Variants in TAFA2 observed in about 807,000 individuals in gnomAD.
The protein encoded by TAFA2 is chemokine-like protein TAFA-2.
TAFA2 carries 7 observed loss-of-function variants against 18.8 expected under a neutral mutation model. That is an observed-to-expected ratio of 0.37 (90% CI 0.21 to 0.70). The LOEUF (loss-of-function observed/expected upper bound fraction) is 0.70. Ranked by LOEUF, TAFA2 falls within the 30% of genes least tolerant of loss-of-function variation. The probability of loss-of-function intolerance (pLI) is 0.53; values close to 1 mark genes in which losing one functional copy is unlikely to be tolerated. For synonymous variants in TAFA2, 60 were observed against 54.2 expected, an observed-to-expected ratio of 1.11 and a Z score of -0.47; for missense variants, 122 against 158.1, an observed-to-expected ratio of 0.77 and a Z score of 1.23.
At chr12:61,780,324 G>A (rs950841084) in intron 2 of TAFA2, among the ~76,000 whole-genome samples, 4 of 151,784 alleles carry the variant, frequency 2.6e-5, no homozygotes, top group Admixed American at 6.6e-5. Context: ...TTCTTTAGCA[G>A]AGTAGACAGC....
intron 1 of TAFA2, among the ~76,000 whole-genome samples, chr12:62,103,656 G>C (rs183083625): frequency 6.6e-6 from 1 of 151,920 alleles, no homozygotes; most frequent in Non-Finnish European, 1.5e-5. Context: ...CAGGAGAACC[G>C]CTTGAACCCG....
intron 1 of TAFA2, chr12:62,022,070 C>G (rs947340066): frequency 4.7e-5 from 26 of 551,160 alleles, no homozygotes; most frequent in African/African-American, 4.5e-4. Context: ...AAAACCAAAC[C>G]TCTTCTCAAC....
chr12:61,904,260 T>C (rs1198222335), intron 1 of TAFA2, among the ~76,000 whole-genome samples: 1 of 152,102 alleles, frequency 6.6e-6, no homozygotes, highest in Non-Finnish European at 1.5e-5. Context: ...CAATCTCCAG[T>C]ATGGAATCTG....
intron 1 of TAFA2, among the ~76,000 whole-genome samples, chr12:61,948,534 T>G (rs1001272242): frequency 6.6e-6 from 1 of 152,114 alleles, no homozygotes; most frequent in African/African-American, 2.4e-5. Flanking sequence ...AAAGATTGAC[T>G]AATATATTCA....
intron 2 of TAFA2, among the ~76,000 whole-genome samples, chr12:61,778,555 A>T (rs1237965186): frequency 6.6e-6 from 1 of 151,718 alleles, no homozygotes; most frequent in Non-Finnish European, 1.5e-5. Context: ...TTTACTATTT[A>T]TTAGATGCCC....
At chr12:61,928,169 T>A (rs189395660) in intron 1 of TAFA2, among the ~76,000 whole-genome samples, 1 of 152,168 alleles carries the variant, frequency 6.6e-6, no homozygotes, top group Admixed American at 6.5e-5. Flanking sequence ...TGGGATCTAA[T>A]TAAACTAAAG....
At chr12:62,234,323 G>A in intron 1 of TAFA2, 1 of 491,814 alleles carries the variant, frequency 2.0e-6, no homozygotes, top group Admixed American at 2.8e-5. Flanking sequence ...CTTGAAGACT[G>A]CCTCTCCTCT....
chr12:61,958,670 T>C (rs559085217), intron 1 of TAFA2, among the ~76,000 whole-genome samples: 1 of 152,146 alleles, frequency 6.6e-6, no homozygotes, highest in East Asian at 1.9e-4. Flanking sequence ...GTCTGTGTCT[T>C]GCCAACTTTC....
At chr12:62,050,371 C>A (rs1882019020) in intron 1 of TAFA2, among the ~76,000 whole-genome samples, 1 of 151,936 alleles carries the variant, frequency 6.6e-6, no homozygotes, top group African/African-American at 2.4e-5. Flanking sequence ...GAGATCAAGA[C>A]CATCCTGGCT....
At chr12:62,034,476 T>A (rs1191637269) in intron 1 of TAFA2, among the ~76,000 whole-genome samples, 1 of 152,244 alleles carries the variant, frequency 6.6e-6, no homozygotes, top group Non-Finnish European at 1.5e-5. Flanking sequence ...TTGTTTTGGA[T>A]AATAAATAGA....
At chr12:61,994,020 G>A (rs1880099823) in intron 1 of TAFA2, among the ~76,000 whole-genome samples, 1 of 151,972 alleles carries the variant, frequency 6.6e-6, no homozygotes, top group South Asian at 2.1e-4. Context: ...CATACTAATG[G>A]TCCACAACTT....
chr12:61,755,026 T>A lies in TAFA2; in HGVS notation c.107-2A>T, dbSNP rs1449482146. ...AAGTTCCCGTTTTAACATGGTGAGC[T>A]GCACAAACAAAAAAGATAAGACAAC... is the stretch of plus-strand genomic sequence containing the variant. On this transcript the variant is annotated splice_acceptor_variant, in intron 2 of 4. Transcript: ENST00000416284. LOFTEE classifies it high-confidence loss of function. The A allele has an allele frequency of 6.2e-7, 1 of 1,612,198 alleles. No individual in the cohort carries two copies.
chr12:61,765,481 C>T lies in TAFA2; in HGVS notation c.107-10457G>A, dbSNP rs372234177. On this transcript the variant is annotated intron_variant, in intron 2 of 4. Coordinates refer to ENST00000416284, the MANE Select transcript of TAFA2 (RefSeq NM_178539.5). ...AATATTCCTAGTAATAATGATATTC[C>T]TAGTAATGGACTTAGGAAGGAGTTG... 6.6e-5 allele frequency among the ~76,000 whole-genome samples: 10 copies of T among 152,014 alleles called. No homozygotes were observed. The South Asian group carries it at 1.0e-3, about 16-fold the overall frequency.
At chr12:62,250,351 CTTTTT>C (rs1170834087) in intron 1 of TAFA2, among the ~76,000 whole-genome samples, 3 of 152,000 alleles carry the variant, frequency 2.0e-5, no homozygotes, top group African/African-American at 7.2e-5. Context: ...ACTATCTTTT[CTTTTT>C]ATATTTAAGA....
At chr12:61,721,507 G>A (rs981166022) in intron 4 of TAFA2, among the ~76,000 whole-genome samples, 1 of 152,080 alleles carries the variant, frequency 6.6e-6, no homozygotes, top group Non-Finnish European at 1.5e-5. Context: ...ACCAACATAT[G>A]GATCTAGTCA....
In TAFA2 at chr12:61,951,920, A is replaced by G. The variant is rs558696705; in HGVS notation, c.-1-84494T>C. 2.6e-5 allele frequency among the ~76,000 whole-genome samples: 4 copies of G among 152,160 alleles called. No individual in the cohort carries two copies. The East Asian group carries it at 7.7e-4, about 29-fold the overall frequency. On this transcript the variant is annotated intron_variant, in intron 1 of 4. Coordinates refer to ENST00000416284, the MANE Select transcript of TAFA2 (RefSeq NM_178539.5). ...AAAAAAAGCTAAATAAATCTTAACTAATATACACTTGAGAAGAAAACACGA... is the reference window on the plus strand; with the variant it reads ...AAAAAAAGCTAAATAAATCTTAACTGATATACACTTGAGAAGAAAACACGA...
Position 61,872,306 on chromosome 12 carries a change from TA to T in TAFA2, c.-1-4881del, listed in dbSNP as rs1420545434. Among the ~76,000 whole-genome samples the T allele has an allele frequency of 5.3e-5, 8 of 152,290 alleles. No homozygotes were observed. The South Asian group carries it at 1.0e-3, about 20-fold the overall frequency. ...TGGAAATAGAGATCACATAAGGGAA[TA>T]TTTTTTTAAGTCTTTTTAGGAAAAT... On this transcript the variant is annotated intron_variant, in intron 1 of 4. Transcript: ENST00000416284.
At chr12:61,736,917 A>G (rs1364992338) in intron 4 of TAFA2, among the ~76,000 whole-genome samples, 1 of 152,032 alleles carries the variant, frequency 6.6e-6, no homozygotes, top group Non-Finnish European at 1.5e-5. Flanking sequence ...AATAAATGTT[A>G]AAGTTTGGCA....
rs529079279 is a variant in TAFA2 at position 62,171,542 on chromosome 12, T to C, written c.-2+19717A>G. 1.2e-4 allele frequency among the ~76,000 whole-genome samples: 19 copies of C among 152,248 alleles called. No homozygotes were observed. In the East Asian group the frequency reaches 3.7e-3, roughly 29 times the overall value. ...ATGGAGCCTTTGGGATATGATCAGA[T>C]AATGAGGGCACATGGGATTAGTGTC... is the stretch of plus-strand genomic sequence containing the variant. On this transcript the variant is annotated intron_variant, in intron 1 of 4. Transcript: ENST00000416284.
Sources: allele counts gnomAD v4.1 joint callset (sites outside exome capture counted in the v4.1 genomes callset), GRCh38; gene constraint gnomAD v4.1.1; transcripts MANE v1.5; gene names NCBI Gene and HGNC (gene_info 2026-07-23, HGNC 2026-07-21).